BRINP1: variants seen among roughly 807,000 people sequenced by gnomAD.
BRINP1 encodes BMP/retinoic acid inducible neural specific 1, also known as BMP/retinoic acid-inducible neural-specific protein 1.
A neutral mutation model predicts 72.9 loss-of-function variants in BRINP1; 17 were observed. That is an observed-to-expected ratio of 0.23 (90% confidence interval 0.16 to 0.35). The LOEUF (loss-of-function observed/expected upper bound fraction) is 0.35. BRINP1 is among the 10% of genes least tolerant of loss of function. The pLI is 1.00. For synonymous variants in BRINP1, 418 were observed against 378.5 expected, an observed-to-expected ratio of 1.10 and a Z score of -1.21; for missense variants, 850 against 1,001.6, an observed-to-expected ratio of 0.85 and a Z score of 2.04.
At chr9:119,280,679 CTTTAT>C (rs1830702261) in intron 2 of BRINP1, among the ~76,000 whole-genome samples, 1 of 152,110 alleles carries the variant, frequency 6.6e-6, no homozygotes, top group Non-Finnish European at 1.5e-5. Context: ...CTCATTCATC[CTTTAT>C]TTTGTTTGTT....
chr9:119,281,795 T>C (rs1483866291), intron 2 of BRINP1, among the ~76,000 whole-genome samples: 1 of 152,230 alleles, frequency 6.6e-6, no homozygotes, highest in Admixed American at 6.5e-5. Context: ...TTCAACAATA[T>C]ATCATGGTTT....
At chr9:119,341,519 ACAG>A (rs1831406062) in intron 1 of BRINP1, among the ~76,000 whole-genome samples, 1 of 152,156 alleles carries the variant, frequency 6.6e-6, no homozygotes. Context: ...ACACCCAGCA[ACAG>A]CAGCAGTGAG....
intron 7 of BRINP1, among the ~76,000 whole-genome samples, chr9:119,192,382 T>A (rs1829691820): frequency 6.6e-6 from 1 of 151,858 alleles, no homozygotes; most frequent in Non-Finnish European, 1.5e-5. Flanking sequence ...TACAAAGAAC[T>A]CTTACAACTC....
At chr9:119,298,802 C>G (rs548481040) in intron 2 of BRINP1, among the ~76,000 whole-genome samples, 2 of 152,294 alleles carry the variant, frequency 1.3e-5, no homozygotes, top group East Asian at 3.9e-4. Flanking sequence ...TTCACCTTTT[C>G]AAGACCTCTA....
chr9:119,178,004 T>C (rs1405147254), intron 7 of BRINP1, among the ~76,000 whole-genome samples: 1 of 149,580 alleles, frequency 6.7e-6, no homozygotes, highest in East Asian at 2.0e-4. Context: ...AGGTGGAGAG[T>C]GGGGAAGGGT....
intron 1 of BRINP1, among the ~76,000 whole-genome samples, chr9:119,351,180 G>A (rs1831504871): frequency 6.6e-6 from 1 of 151,874 alleles, no homozygotes; most frequent in Non-Finnish European, 1.5e-5. Flanking sequence ...ACTTATTAAT[G>A]CACTTAGAAA....
At chr9:119,324,591 G>A (rs545327269) in intron 1 of BRINP1, among the ~76,000 whole-genome samples, 1 of 152,326 alleles carries the variant, frequency 6.6e-6, no homozygotes, top group Non-Finnish European at 1.5e-5. Context: ...AGAATTGGAA[G>A]ATTCAAGATA....
At chr9:119,302,357 A>T (rs2118984927) in intron 2 of BRINP1, among the ~76,000 whole-genome samples, 1 of 152,328 alleles carries the variant, frequency 6.6e-6, no homozygotes, top group East Asian at 1.9e-4. Context: ...ATAAAATGAA[A>T]ATATTGCCTT....
intron 7 of BRINP1, among the ~76,000 whole-genome samples, chr9:119,178,016 A>G (rs533022264): frequency 1.3e-5 from 2 of 152,298 alleles, no homozygotes; most frequent in African/African-American, 4.8e-5. Context: ...GGGAAGGGTG[A>G]TAAGTGGAGA....
intron 2 of BRINP1, among the ~76,000 whole-genome samples, chr9:119,251,826 T>C (rs1830392412): frequency 6.6e-6 from 1 of 152,166 alleles, no homozygotes; most frequent in Non-Finnish European, 1.5e-5. Context: ...GCTTGCGGCT[T>C]GAGTCCTAAT....
At chr9:119,241,103 A>G (rs1188560562) in intron 4 of BRINP1, among the ~76,000 whole-genome samples, 1 of 152,224 alleles carries the variant, frequency 6.6e-6, no homozygotes, top group Non-Finnish European at 1.5e-5. Flanking sequence ...CACTGAATTG[A>G]AAGTCCAGGG....
chr9:119,167,655 G>A lies in BRINP1; in HGVS notation c.1715C>T (p.Ser572Leu), dbSNP rs762594427. Residue 572 changes from serine to leucine, a missense_variant, in exon 8 of 8, where the codon TCG becomes TTG. Coordinates refer to ENST00000265922, the MANE Select transcript of BRINP1 (RefSeq NM_014618.3). This position sits in a 1 kb window ranked among gnomAD's most constrained non-coding sequence, Gnocchi z 4.3. ...CCCGAAGGGCATGTTCCAGCCCTCC[G>A]AATGGCTCCCGCTAAAGGGGTTGAC... is the stretch of plus-strand genomic sequence containing the variant. ...VYVNPFSGSHSEGWNMPFGEF... is the reference protein window; with the variant it reads ...VYVNPFSGSHLEGWNMPFGEF... 4.3e-6 allele frequency: 7 copies of A among 1,613,932 alleles called. No homozygotes were observed. Among genetic ancestry groups the A allele is most frequent in the African/African-American group, 1.3e-5 (1 of 74,922 alleles).
chr9:119,337,352 A>C (rs917129626), intron 1 of BRINP1, among the ~76,000 whole-genome samples: 3 of 152,248 alleles, frequency 2.0e-5, no homozygotes, highest in African/African-American at 7.2e-5. Flanking sequence ...GAAGGACAGT[A>C]GAGAGCTTCC....
At chr9:119,213,663 C>T (rs1829951163) in intron 6 of BRINP1, 1 of 586,290 alleles carries the variant, frequency 1.7e-6, no homozygotes, top group African/African-American at 1.9e-5. Flanking sequence ...TTTATTCTTT[C>T]TGTCTTCTGG....
chr9:119,284,330 G>T (rs1383444853), intron 2 of BRINP1, among the ~76,000 whole-genome samples: 1 of 152,230 alleles, frequency 6.6e-6, no homozygotes, highest in Non-Finnish European at 1.5e-5. Flanking sequence ...TCTTCCCGCT[G>T]TGGGAGGCAA....
At chr9:119,337,196 C>T (rs138843913) in intron 1 of BRINP1, among the ~76,000 whole-genome samples, 1,943 of 152,278 alleles carry the variant, frequency 0.013, 15 homozygotes, top group Middle Eastern at 0.034. Context: ...TCAATGATGA[C>T]GAATTTTTAG....
chr9:119,339,990 G>T (rs185002739), intron 1 of BRINP1, among the ~76,000 whole-genome samples: 92 of 152,006 alleles, frequency 6.1e-4, no homozygotes, highest in African/African-American at 2.2e-3. Context: ...CCCTCTCCCT[G>T]CCCCTCCCCA....
At chr9:119,349,656 T>C (rs371749688) in intron 1 of BRINP1, among the ~76,000 whole-genome samples, 2 of 152,288 alleles carry the variant, frequency 1.3e-5, no homozygotes, top group African/African-American at 4.8e-5. Flanking sequence ...TTTCAGCCCC[T>C]CAAAGCATCA....
chr9:119,280,460 G>A (rs1830699246), intron 2 of BRINP1, among the ~76,000 whole-genome samples: 1 of 151,276 alleles, frequency 6.6e-6, no homozygotes, highest in African/African-American at 2.4e-5. Flanking sequence ...TAGCCAGGAT[G>A]GTCTCCATCT....
Sources: gnomAD v4.1 joint callset for allele counts (sites outside exome capture counted in the v4.1 genomes callset) on GRCh38, gnomAD v4.1.1 for gene constraint, Gnocchi (gnomAD v3.1) non-coding constraint, MANE v1.5 for transcripts, NCBI Gene and HGNC (gene_info 2026-07-23, HGNC 2026-07-21) for gene names.